The following SYCP2L variants were observed in gnomAD, a reference collection of about 807,000 sequenced individuals.
The protein encoded by SYCP2L is synaptonemal complex protein 2 like.
A neutral mutation model predicts 125.8 loss-of-function variants in SYCP2L; 98 were observed. The observed-to-expected ratio is 0.78, with a 90% confidence interval of 0.66 to 0.92. The LOEUF (loss-of-function observed/expected upper bound fraction) is 0.92. SYCP2L is among the 40% of genes least tolerant of loss of function. The pLI is 0.00. For missense variants in SYCP2L, 842 were observed against 936.4 expected, an observed-to-expected ratio of 0.90 and a Z score of 1.32; for synonymous variants, 317 against 325.4, an observed-to-expected ratio of 0.97 and a Z score of 0.28.
At chr6:10,953,780 CAT>C (rs1189987615) in intron 23 of SYCP2L, among the ~76,000 whole-genome samples, 1 of 152,118 alleles carries the variant, frequency 6.6e-6, no homozygotes, top group Non-Finnish European at 1.5e-5. Context: ...ACAAGTAAAA[CAT>C]GTAGTATGTT....
chr6:10,910,326 T>C (rs1029030534), intron 11 of SYCP2L, 126 bp downstream of exon 11: 1 of 861,054 alleles, frequency 1.2e-6, no homozygotes, highest in African/African-American at 1.7e-5. Context: ...CAGAGTATAC[T>C]GAGTTGTCCA....
In SYCP2L at chr6:10,914,745, T is replaced by TG. The variant is rs1448483111; in HGVS notation, c.1072+1818_1072+1819insG. Among the ~76,000 whole-genome samples, 5 of 148,816 alleles carry TG rather than the reference T, an allele frequency of 3.4e-5. No individual in the cohort carries two copies. In the East Asian group the frequency reaches 7.9e-4, roughly 23 times the overall value. On this transcript the variant is annotated intron_variant, in intron 14 of 29. Coordinates refer to ENST00000283141, the MANE Select transcript of SYCP2L (RefSeq NM_001040274.3). Reference sequence around the variant, plus strand: ...GGTTAGGTATATCCCTAAGTTTTTTTTTTTTTTTTTTTTTGGAGATGGAGT... The same window carrying TG: ...GGTTAGGTATATCCCTAAGTTTTTTTGTTTTTTTTTTTTTTGGAGATGGAGT...
At chr6:10,916,225 G>T (rs552617224) in intron 14 of SYCP2L, among the ~76,000 whole-genome samples, 1 of 152,128 alleles carries the variant, frequency 6.6e-6, no homozygotes, top group Admixed American at 6.6e-5. Context: ...TTCTTGGTTA[G>T]TCTTACTCAT....
rs1031743824 is a variant in SYCP2L, at chr6:10,942,612, G to A, written c.1885-65G>A. On this transcript the variant is annotated intron_variant, in intron 22 of 29. Coordinates refer to ENST00000283141, the MANE Select transcript of SYCP2L (RefSeq NM_001040274.3). The stretch of plus-strand genomic sequence containing the variant: ...TAACACATTGGCTATTCCTTCTGAC[G>A]AGTACACCACTTGTTTCTTGCTTTG... The A allele has an allele frequency of 5.3e-5, 84 of 1,592,858 alleles. 1 individual carries two copies. Among genetic ancestry groups the A allele is most frequent in the Middle Eastern group, 1.7e-4 (1 of 6,040 alleles).
chr6:10,922,440 A>T (rs575135735), intron 14 of SYCP2L, among the ~76,000 whole-genome samples: 1 of 148,516 alleles, frequency 6.7e-6, no homozygotes, highest in African/African-American at 2.5e-5. Context: ...GTTTGCATTG[A>T]TCCCACGGCC....
intron 23 of SYCP2L, among the ~76,000 whole-genome samples, chr6:10,945,582 C>T (rs922052975): frequency 6.6e-6 from 1 of 151,892 alleles, no homozygotes; most frequent in Non-Finnish European, 1.5e-5. Flanking sequence ...CCAGCCTGAC[C>T]AACATGGGGA....
intron 20 of SYCP2L, among the ~76,000 whole-genome samples, chr6:10,933,336 G>C (rs756009782): frequency 2.6e-5 from 4 of 152,174 alleles, no homozygotes; most frequent in Non-Finnish European, 5.9e-5. Flanking sequence ...AAACACATGG[G>C]TATGCTGTGT....
chr6:10,899,503 G>A (rs550215157), intron 6 of SYCP2L, among the ~76,000 whole-genome samples: 30 of 152,210 alleles, frequency 2.0e-4, no homozygotes, highest in Non-Finnish European at 3.8e-4. Flanking sequence ...AGTCATGATC[G>A]TGCCACTCCA....
chr6:10,903,724 C>G (rs1780432516), intron 8 of SYCP2L, among the ~76,000 whole-genome samples: 1 of 151,514 alleles, frequency 6.6e-6, no homozygotes, highest in African/African-American at 2.4e-5. Context: ...GCACTCCAGC[C>G]TGGGTGATAG....
chr6:10,894,796 C>T (rs372561454), intron 4 of SYCP2L, among the ~76,000 whole-genome samples: 1 of 152,168 alleles, frequency 6.6e-6, no homozygotes, highest in South Asian at 2.1e-4. Context: ...GCTGCAGTTC[C>T]GCTCTTTTAG....
rs549776260 is a variant in SYCP2L at position 10,896,060 on chromosome 6, A to G, written c.336+1856A>G. ...TCCCAGCTACTTGGGAAACTGAGGC[A>G]GGAGAATTGCTTAAGCTGGAGGTTG... On this transcript the variant is annotated intron_variant, in intron 4 of 29. Coordinates refer to ENST00000283141, the MANE Select transcript of SYCP2L (RefSeq NM_001040274.3). Among the ~76,000 whole-genome samples the G allele has an allele frequency of 1.1e-3, 168 of 152,298 alleles. 1 individual carries two copies. The highest frequency in any genetic ancestry group is 3.9e-3 in the African/African-American group (164 of 41,582).
chr6:10,902,103 C>G (rs763232974), intron 6 of SYCP2L, among the ~76,000 whole-genome samples: 32 of 152,194 alleles, frequency 2.1e-4, no homozygotes, highest in Non-Finnish European at 4.0e-4. Context: ...TAGTTTAAGC[C>G]AGTCTAGATT....
intron 15 of SYCP2L, among the ~76,000 whole-genome samples, chr6:10,925,807 A>G (rs757350295): frequency 5.3e-5 from 8 of 152,234 alleles, no homozygotes; most frequent in East Asian, 3.8e-4. Context: ...ATCAAATTAC[A>G]TATGTTCTGA....
chr6:10,946,128 C>G (rs186977475), intron 23 of SYCP2L, among the ~76,000 whole-genome samples: 36 of 152,198 alleles, frequency 2.4e-4, no homozygotes, highest in African/African-American at 7.9e-4. Context: ...ATTATATCTA[C>G]CAATTTGTTT....
At chr6:10,901,856 C>G (rs190497819) in intron 6 of SYCP2L, among the ~76,000 whole-genome samples, 2 of 152,374 alleles carry the variant, frequency 1.3e-5, no homozygotes, top group South Asian at 4.1e-4. Context: ...AGCGTGGCTC[C>G]GCCCCATTTC....
At chr6:10,889,716 GT>G (rs1780142471) in intron 1 of SYCP2L, among the ~76,000 whole-genome samples, 1 of 150,768 alleles carries the variant, frequency 6.6e-6, no homozygotes, top group Admixed American at 6.6e-5. Flanking sequence ...CGCGTCCCGG[GT>G]TCAAGCGATT....
chr6:10,888,298 T>G (rs1427980894), intron 1 of SYCP2L, among the ~76,000 whole-genome samples: 1 of 151,972 alleles, frequency 6.6e-6, no homozygotes, highest in Non-Finnish European at 1.5e-5. Context: ...GGTTTCACCA[T>G]GTTGGCCAGG....
At chr6:10,891,855 A>C (rs534851981) in intron 2 of SYCP2L, among the ~76,000 whole-genome samples, 2 of 152,330 alleles carry the variant, frequency 1.3e-5, no homozygotes, top group East Asian at 3.9e-4. Flanking sequence ...AGTCTAAACT[A>C]TCTTGTGCCC....
At chr6:10,960,950 C>T (rs557295133) in intron 26 of SYCP2L, among the ~76,000 whole-genome samples, 90 of 152,150 alleles carry the variant, frequency 5.9e-4, no homozygotes, top group Non-Finnish European at 1.0e-3. Context: ...TGGTGGCACG[C>T]GCCTGTAGTC....
Sources: gnomAD v4.1 joint callset for allele counts (sites outside exome capture counted in the v4.1 genomes callset) on GRCh38, gnomAD v4.1.1 for gene constraint, MANE v1.5 for transcripts, NCBI Gene and HGNC (gene_info 2026-07-23, HGNC 2026-07-21) for gene names.